Variants in SEC14L5 observed in about 807,000 individuals in gnomAD.
SEC14L5 encodes SEC14 like lipid binding 5, also known as SEC14-like protein 5.
Under a neutral mutation model 84.6 loss-of-function variants are expected in SEC14L5, and 96 were observed. The observed-to-expected ratio is 1.13, with a 90% confidence interval of 0.96 to 1.34. The LOEUF (loss-of-function observed/expected upper bound fraction) is 1.34. SEC14L5 is among the 40% of genes most tolerant of loss of function. SEC14L5 has a pLI of 0.00. For missense variants in SEC14L5, 1,224 were observed against 942.5 expected (o/e 1.30, Z -3.91); for synonymous variants, 546 against 383.4 (o/e 1.42, Z -4.95).
At chr16:5,003,323 G>A in intron 10 of SEC14L5, 79 bp from the exon 11 acceptor site, 1 of 1,136,416 alleles carries the variant, frequency 8.8e-7, no homozygotes, top group South Asian at 1.3e-5. Flanking sequence ...GAGCCTCCCT[G>A]TTCATCCCCT....
chr16:4,996,821 C>T (rs376137745), intron 7 of SEC14L5, 34 bp from the exon 8 acceptor site: 25 of 1,554,788 alleles, frequency 1.6e-5, no homozygotes, highest in East Asian at 1.1e-4. Flanking sequence ...CAGGGGATAC[C>T]GTTCTGTGGG....
At chr16:5,004,041 A>G (rs1955706122) in intron 11 of SEC14L5, among the ~76,000 whole-genome samples, 1 of 152,258 alleles carries the variant, frequency 6.6e-6, no homozygotes, top group Non-Finnish European at 1.5e-5. Flanking sequence ...GCAGCCAGCC[A>G]CTTGCATAGT....
At chr16:4,987,827 G>A in intron 3 of SEC14L5, 121 bp downstream of exon 3, 2 of 760,254 alleles carry the variant, frequency 2.6e-6, no homozygotes, top group Non-Finnish European at 4.1e-6. Flanking sequence ...GGGCGTGTGA[G>A]TTGATATTTG....
chr16:4,970,382 CAAA>C (rs1373340236), intron 2 of SEC14L5, among the ~76,000 whole-genome samples: 3 of 152,164 alleles, frequency 2.0e-5, no homozygotes, highest in African/African-American at 7.2e-5. Context: ...ACTTGTCTCT[CAAA>C]GAAGTGAACT....
In SEC14L5 at chr16:5,015,002, C is replaced by A; in HGVS notation, c.*32C>A. 1 of 1,507,068 alleles carries A rather than the reference C, an allele frequency of 6.6e-7. No individual in the cohort carries two copies. Among genetic ancestry groups the A allele is most frequent in the Non-Finnish European group, 9.2e-7 (1 of 1,091,714 alleles). 93.4% of individuals were successfully genotyped at this position (1,507,068 alleles called of 1,614,324 possible). ...CCAGTGTTTCAGGGCCGCCCGCTCG[C>A]CTCCAGTGTCCAGAAATGTCCAGAA... On this transcript the variant is annotated 3_prime_UTR_variant, in exon 16 of 16. Transcript: ENST00000251170.
rs1325437395 is a variant in SEC14L5 at position 5,003,552 on chromosome 16, C to G, written c.1281C>G (p.Val427=). 6.6e-7 allele frequency: 1 copy of G among 1,516,016 alleles called. No individual in the cohort carries two copies. Among genetic ancestry groups the G allele is most frequent in the South Asian group, 1.1e-5 (1 of 89,566 alleles). 93.9% of individuals were successfully genotyped at this position (1,516,016 alleles called of 1,614,324 possible). A position where few individuals can be genotyped will look rare whatever the true frequency, so the allele number is the denominator to read the frequency against. Residue 427 remains valine, a synonymous_variant, in exon 11 of 16, where the codon GTC becomes GTG. Coordinates refer to ENST00000251170, the MANE Select transcript of SEC14L5 (RefSeq NM_014692.2). ...GRLLIVRAPR[V]FPVLWTLISP... ...TGCTCATCGTGCGAGCCCCCCGAGT[C>G]TTCCCCGTGCTCTGGACACTGGTAA... is the stretch of plus-strand genomic sequence containing the variant.
intron 2 of SEC14L5, among the ~76,000 whole-genome samples, chr16:4,973,189 T>C (rs1955300192): frequency 6.6e-6 from 1 of 152,236 alleles, no homozygotes; most frequent in African/African-American, 2.4e-5. Flanking sequence ...GGGTCACATG[T>C]TGACCCTGTG....
In SEC14L5 at chr16:4,992,048, G is replaced by A; in HGVS notation, c.667+18G>A. On this transcript the variant is annotated intron_variant, in intron 6 of 15. Transcript: ENST00000251170. The stretch of plus-strand genomic sequence containing the variant: ...TATGGACGGTAGGTGGTACAGCCCA[G>A]GCCAGTCAGCCCTAGGAGGCTGCTG... 6.6e-7 allele frequency: 1 copy of A among 1,519,530 alleles called. No homozygotes were observed. The highest frequency in any genetic ancestry group is 1.2e-5 in the South Asian group (1 of 81,820). 94.1% of individuals were successfully genotyped at this position (1,519,530 alleles called of 1,614,324 possible). A position where few individuals can be genotyped will look rare whatever the true frequency, so the allele number is the denominator to read the frequency against.
chr16:4,988,111 G>C lies in SEC14L5; in HGVS notation c.214-38G>C, dbSNP rs201210805. 16 of 1,608,106 alleles carry C rather than the reference G, an allele frequency of 9.9e-6. No individual in the cohort carries two copies. The African/African-American group carries it at 1.6e-4, about 16-fold the overall frequency. Reference sequence around the variant, plus strand: ...TCTCCATTCCTGTGTGCTCCACGCCGCCCACCCACCTCCGCCTCCCCGCCC... The same window carrying C: ...TCTCCATTCCTGTGTGCTCCACGCCCCCCACCCACCTCCGCCTCCCCGCCC... On this transcript the variant is annotated intron_variant, in intron 3 of 15. Transcript: ENST00000251170.
chr16:4,987,504 G>GA, intron 2 of SEC14L5, 53 bp from the exon 3 acceptor site: 1 of 1,444,424 alleles, frequency 6.9e-7, no homozygotes, highest in South Asian at 1.3e-5. Flanking sequence ...CGCTGGGGGG[G>GA]GGGGTCCCTC....
chr16:5,004,878 C>CAATGGA (rs1436651502), intron 11 of SEC14L5, among the ~76,000 whole-genome samples: 1 of 152,152 alleles, frequency 6.6e-6, no homozygotes, highest in African/African-American at 2.4e-5. Context: ...CTGTTCCATC[C>CAATGGA]ATGTAATGGA....
intron 2 of SEC14L5, among the ~76,000 whole-genome samples, 171 bp from the exon 3 acceptor site, chr16:4,987,386 T>A (rs1955500302): frequency 6.6e-6 from 1 of 151,904 alleles, no homozygotes; most frequent in Non-Finnish European, 1.5e-5. Flanking sequence ...CTCTAACAGG[T>A]GCTAGCTGGT....
intron 2 of SEC14L5, 58 bp from the exon 3 acceptor site, chr16:4,987,499 G>GGT (rs1555529515): frequency 3.2e-5 from 41 of 1,298,344 alleles, no homozygotes; most frequent in Middle Eastern, 3.8e-4. Context: ...GGTCGCGCTG[G>GGT]GGGGGGGGGT....
rs1008667623 is a variant in SEC14L5 at position 5,015,093 on chromosome 16, C to G, written c.*123C>G. The G allele has an allele frequency of 3.0e-5, 22 of 723,244 alleles. No homozygotes were observed. In the African/African-American group the frequency reaches 3.7e-4, roughly 12 times the overall value. The allele number at this position is 723,244 out of a possible 1,614,324, so 44.8% of individuals were successfully genotyped here. On this transcript the variant is annotated 3_prime_UTR_variant, in exon 16 of 16. Transcript: ENST00000251170. ...TGGAGCCCCAGGCCTAGATGCTGCC[C>G]AAGTTGGGGTGTCTGGAGCGGATGG...
intron 2 of SEC14L5, among the ~76,000 whole-genome samples, chr16:4,960,288 C>T (rs1195409705): frequency 6.6e-6 from 1 of 152,180 alleles, no homozygotes; most frequent in African/African-American, 2.4e-5. Flanking sequence ...GTGTGCCGGG[C>T]ACACAGTAGG....
At chr16:4,980,618 C>A (rs1018260503) in intron 2 of SEC14L5, among the ~76,000 whole-genome samples, 3 of 152,102 alleles carry the variant, frequency 2.0e-5, no homozygotes, top group Non-Finnish European at 4.4e-5. Context: ...AGGACCAAGC[C>A]CGGCACAGGT....
At chr16:4,996,024 T>G (rs1302367409) in intron 6 of SEC14L5, among the ~76,000 whole-genome samples, 1 of 152,022 alleles carries the variant, frequency 6.6e-6, no homozygotes, top group African/African-American at 2.4e-5. Context: ...AGGTAGTGAG[T>G]GTAAGCCCAT....
Position 4,992,327 on chromosome 16 carries a change from T to G in SEC14L5, c.667+297T>G, listed in dbSNP as rs572115795. 1.6e-4 allele frequency among the ~76,000 whole-genome samples: 25 copies of G among 152,332 alleles called. No individual in the cohort carries two copies. In the East Asian group the frequency reaches 4.1e-3, roughly 25 times the overall value. On this transcript the variant is annotated intron_variant, in intron 6 of 15. Transcript: ENST00000251170. ...GCGCAGTAGCACGATCTCGGCTCCCTGCAACCTCCGCCCCCCGGGTTCAAG... is the reference window on the plus strand; with the variant it reads ...GCGCAGTAGCACGATCTCGGCTCCCGGCAACCTCCGCCCCCCGGGTTCAAG...
At chr16:4,997,363 G>A (rs1217621145) in intron 8 of SEC14L5, among the ~76,000 whole-genome samples, 1 of 152,224 alleles carries the variant, frequency 6.6e-6, no homozygotes, top group African/African-American at 2.4e-5. Flanking sequence ...GACTCCCAAA[G>A]TGTTGGGATT....
Sources: allele counts gnomAD v4.1 joint callset (sites outside exome capture counted in the v4.1 genomes callset), GRCh38; gene constraint gnomAD v4.1.1; transcripts MANE v1.5; gene names NCBI Gene and HGNC (gene_info 2026-07-23, HGNC 2026-07-21).